Variants in BCL2 observed in about 807,000 individuals in gnomAD.
BCL2 encodes the protein BCL2 apoptosis regulator.
In BCL2, 1 loss-of-function variant was observed where a neutral mutation model predicts 14.2. The observed-to-expected ratio is 0.07, with a 90% confidence interval of 0.02 to 0.33. The LOEUF (loss-of-function observed/expected upper bound fraction) is 0.33. BCL2 is among the 10% of genes least tolerant of loss of function. The pLI is 0.99. For missense variants in BCL2, 247 were observed against 305.9 expected (o/e 0.81, Z 1.44); for synonymous variants, 151 against 137.2 (o/e 1.10, Z -0.70).
chr18:63,293,194 T>C (rs1912702970), intron 2 of BCL2, among the ~76,000 whole-genome samples: 1 of 152,202 alleles, frequency 6.6e-6, no homozygotes, highest in Non-Finnish European at 1.5e-5. Context: ...AAACAAGGTT[T>C]AGTAATATGA....
chr18:63,254,853 C>T (rs1911424675), intron 2 of BCL2, among the ~76,000 whole-genome samples: 1 of 152,160 alleles, frequency 6.6e-6, no homozygotes, highest in African/African-American at 2.4e-5. Context: ...ACGGGTAGTG[C>T]ACTCTGTTCA....
At chr18:63,194,966 G>A (rs1287519294) in intron 2 of BCL2, among the ~76,000 whole-genome samples, 1 of 152,150 alleles carries the variant, frequency 6.6e-6, no homozygotes, top group Non-Finnish European at 1.5e-5. Flanking sequence ...GGCAGGCATC[G>A]CCTCTCCAGC....
intron 2 of BCL2, among the ~76,000 whole-genome samples, chr18:63,309,763 G>A (rs982814289): frequency 6.6e-6 from 1 of 152,192 alleles, no homozygotes; most frequent in Non-Finnish European, 1.5e-5. Context: ...GGAACCCCCA[G>A]TGGATACCAA....
intron 2 of BCL2, among the ~76,000 whole-genome samples, chr18:63,174,935 C>G (rs1177936540): frequency 6.6e-6 from 1 of 151,428 alleles, no homozygotes; most frequent in African/African-American, 2.4e-5. Flanking sequence ...ATATAGCATA[C>G]TCCTAAAAAC....
At chr18:63,282,692 C>T (rs1307810655) in intron 2 of BCL2, among the ~76,000 whole-genome samples, 2 of 152,058 alleles carry the variant, frequency 1.3e-5, no homozygotes, top group Non-Finnish European at 2.9e-5. Context: ...CTGTGAAAGG[C>T]ACTGAATCTT....
intron 2 of BCL2, among the ~76,000 whole-genome samples, chr18:63,177,154 T>C (rs927180826): frequency 9.9e-5 from 15 of 152,016 alleles, no homozygotes; most frequent in Admixed American, 2.0e-4. Flanking sequence ...TGGGCTCAAG[T>C]AATTCACCCG....
At chr18:63,206,206 G>A (rs1016389507) in intron 2 of BCL2, among the ~76,000 whole-genome samples, 7 of 152,148 alleles carry the variant, frequency 4.6e-5, no homozygotes, top group African/African-American at 9.7e-5. Flanking sequence ...ATCCTGGACC[G>A]CACCAACAAA....
At chr18:63,189,037 A>G (rs1213374821) in intron 2 of BCL2, among the ~76,000 whole-genome samples, 1 of 149,680 alleles carries the variant, frequency 6.7e-6, no homozygotes, top group African/African-American at 2.4e-5. Flanking sequence ...AAAATACATA[A>G]TGCTGTAATA....
intron 2 of BCL2, among the ~76,000 whole-genome samples, chr18:63,226,319 G>T (rs1399766827): frequency 6.6e-6 from 1 of 152,108 alleles, no homozygotes; most frequent in Admixed American, 6.5e-5. Context: ...ATTCGAGTGG[G>T]AAAACAGGGA....
chr18:63,200,290 T>C (rs1181883141), intron 2 of BCL2, among the ~76,000 whole-genome samples: 53 of 152,302 alleles, frequency 3.5e-4, no homozygotes, highest in Admixed American at 3.5e-3. Flanking sequence ...TATTTGCAGG[T>C]TTTTCTTTAT....
intron 2 of BCL2, among the ~76,000 whole-genome samples, chr18:63,274,430 G>A (rs1040598856): frequency 6.6e-6 from 1 of 151,652 alleles, no homozygotes; most frequent in African/African-American, 2.4e-5. Context: ...GATTACAGGT[G>A]CCCGCTACCA....
rs201612136 is a variant in BCL2 at position 63,235,151 on chromosome 18, AT to A, written c.585+82930del. Reference sequence around the variant, plus strand: ...ACTATCAGATTGGCAAAGGAAAAAAATTTTTAAATATGACTCTAACAAGTAT... The same window carrying A: ...ACTATCAGATTGGCAAAGGAAAAAAATTTTAAATATGACTCTAACAAGTAT... On this transcript the variant is annotated intron_variant, in intron 2 of 2. Transcript: ENST00000333681. 3.2e-4 allele frequency among the ~76,000 whole-genome samples: 47 copies of A among 144,840 alleles called. No individual in the cohort carries two copies. In the East Asian group the frequency reaches 7.9e-3, roughly 24 times the overall value.
chr18:63,218,154 T>C (rs1296986654), intron 2 of BCL2, among the ~76,000 whole-genome samples: 4 of 152,194 alleles, frequency 2.6e-5, no homozygotes, highest in East Asian at 1.9e-4. Context: ...ATTCTCAGTA[T>C]GGCCTTTTCA....
At chr18:63,297,089 T>C (rs1282319567) in intron 2 of BCL2, among the ~76,000 whole-genome samples, 1 of 152,056 alleles carries the variant, frequency 6.6e-6, no homozygotes, top group African/African-American at 2.4e-5. Context: ...GGCGGGCGCC[T>C]GTAGTCCCAG....
intron 2 of BCL2, among the ~76,000 whole-genome samples, chr18:63,211,348 G>A (rs996717424): frequency 5.9e-5 from 9 of 151,964 alleles, no homozygotes; most frequent in East Asian, 1.9e-4. Flanking sequence ...GTGACCCACC[G>A]CGCCTGGCCA....
intron 2 of BCL2, among the ~76,000 whole-genome samples, chr18:63,218,622 A>C: frequency 9.1e-6 from 1 of 110,404 alleles, no homozygotes; most frequent in East Asian, 2.7e-4. Flanking sequence ...ATCCCCCTCC[A>C]CTCATCCCAT....
At chr18:63,254,412 T>C (rs1288390149) in intron 2 of BCL2, among the ~76,000 whole-genome samples, 6 of 22,134 alleles carry the variant, frequency 2.7e-4, no homozygotes, top group Non-Finnish European at 5.5e-4. Flanking sequence ...AAAAAAAAGC[T>C]GGGTGTGGTG....
intron 2 of BCL2, among the ~76,000 whole-genome samples, chr18:63,277,592 T>TA (rs1912192617): frequency 2.0e-5 from 3 of 150,568 alleles, no homozygotes; most frequent in African/African-American, 7.3e-5. Flanking sequence ...TTTTTTTTTT[T>TA]AAGGTATTTA....
chr18:63,303,694 G>A (rs1263586984), intron 2 of BCL2, among the ~76,000 whole-genome samples: 1 of 152,110 alleles, frequency 6.6e-6, no homozygotes, highest in Non-Finnish European at 1.5e-5. Flanking sequence ...AGGTTATTGA[G>A]GTTAAATAAT....
Sources: allele counts gnomAD v4.1 joint callset (sites outside exome capture counted in the v4.1 genomes callset), GRCh38; gene constraint gnomAD v4.1.1; transcripts MANE v1.5; gene names NCBI Gene and HGNC (gene_info 2026-07-23, HGNC 2026-07-21).